Variants in TMEM204 observed in about 807,000 individuals in gnomAD.
TMEM204 encodes transmembrane protein 204.
A neutral mutation model predicts 19.4 loss-of-function variants in TMEM204; 15 were observed. That is an observed-to-expected ratio of 0.77 (90% confidence interval 0.52 to 1.19). The LOEUF is 1.19. Ranked by LOEUF, TMEM204 falls within the 50% of genes most tolerant of loss-of-function variation. The pLI, the probability that TMEM204 is intolerant of heterozygous loss-of-function variation, is 0.00. For missense variants in TMEM204, 287 were observed against 321.2 expected (o/e 0.89, Z 0.81); for synonymous variants, 161 against 146.0 (o/e 1.10, Z -0.74).
chr16:1,530,024 A>G (rs4786275), upstream of TMEM204, among the ~76,000 whole-genome samples: 27,308 of 152,040 alleles, frequency 0.18, 2,885 homozygotes, highest in African/African-American at 0.27. Context: ...GGGTGGTGGC[A>G]GCACTGGGGC....
Position 1,543,012 on chromosome 16 carries a change from G to A in TMEM204, c.436+936G>A, listed in dbSNP as rs1322583193. 2.0e-5 allele frequency among the ~76,000 whole-genome samples: 3 copies of A among 152,240 alleles called. No individual in the cohort carries two copies. In the East Asian group the frequency reaches 5.8e-4, roughly 29 times the overall value. ...AGCCATGACCCCCAGCGACCCCAGG[G>A]GGCTCTGCTGGTCTTCTGTGGCTGA... On this transcript the variant is annotated intron_variant, in intron 2 of 2. Coordinates refer to ENST00000566264, the MANE Select transcript of TMEM204 (RefSeq NM_024600.6).
intron 1 of TMEM204, chr16:1,541,585 G>T: frequency 1.2e-6 from 1 of 803,110 alleles, no homozygotes; most frequent in Non-Finnish European, 1.5e-6. Context: ...CCACCCCCAC[G>T]CCAGCGCCTT....
intron 2 of TMEM204, among the ~76,000 whole-genome samples, chr16:1,545,236 C>A (rs1375498857): frequency 6.6e-6 from 1 of 152,124 alleles, no homozygotes; most frequent in Non-Finnish European, 1.5e-5. Context: ...TCCAACACGA[C>A]CTCTGACAAG....
At position 1,534,523 on chromosome 16, in the gene TMEM204, CCGG is replaced by C. The variant is rs762562633; in HGVS notation, c.250_252del (p.Gly84del). On this transcript the variant is annotated inframe_deletion, in exon 1 of 3. Coordinates refer to ENST00000566264, the MANE Select transcript of TMEM204 (RefSeq NM_024600.6). ...GCGCTGGGCTGGGGCTCCGAGGCAG[CCGG>C]CTTCCAGGAGTCCCGAGGCACCGTC... 1 of 1,606,466 alleles carries C rather than the reference CCGG, an allele frequency of 6.2e-7. No homozygotes were observed. The highest frequency in any genetic ancestry group is 8.5e-7 in the Non-Finnish European group (1 of 1,179,860).
At chr16:1,542,924 G>A (rs1332592523) in intron 2 of TMEM204, among the ~76,000 whole-genome samples, 2 of 152,242 alleles carry the variant, frequency 1.3e-5, no homozygotes, top group Admixed American at 6.5e-5. Context: ...TGGAGTTGTC[G>A]TCAACGACCT....
At chr16:1,548,846 CG>C (rs1422757485) in intron 2 of TMEM204, among the ~76,000 whole-genome samples, 1 of 152,248 alleles carries the variant, frequency 6.6e-6, no homozygotes, top group Non-Finnish European at 1.5e-5. Context: ...AGCAGCACAG[CG>C]AGGCATGTAG....
intron 2 of TMEM204, among the ~76,000 whole-genome samples, chr16:1,552,449 C>T (rs1006967710): frequency 1.3e-5 from 2 of 152,128 alleles, no homozygotes; most frequent in Non-Finnish European, 2.9e-5. Flanking sequence ...CCACACCCCA[C>T]CGGCAGAAAG....
Position 1,555,008 on chromosome 16 carries a change from C to T in TMEM204, c.663C>T (p.Tyr221=), listed in dbSNP as rs199846445. The T allele has an allele frequency of 6.3e-4, 1,011 of 1,611,748 alleles. 11 individuals are homozygous for T. In the South Asian group the frequency reaches 0.01, roughly 16 times the overall value. The change falls in exon 3 of 3, where the codon TAC becomes TAT. Residue 221 remains tyrosine (Y), a synonymous_variant. Transcript: ENST00000566264. ...ARFRRGLDND[Y]VESPC is the part of the protein sequence containing the mutation. ...TTCGCCGTGGGCTGGACAATGACTACGTGGAGTCACCATGCTGAGTCGCCC... is the reference window on the plus strand; with the variant it reads ...TTCGCCGTGGGCTGGACAATGACTATGTGGAGTCACCATGCTGAGTCGCCC...
intron 2 of TMEM204, among the ~76,000 whole-genome samples, chr16:1,544,765 C>T (rs959532586): frequency 6.6e-6 from 1 of 152,022 alleles, no homozygotes; most frequent in African/African-American, 2.4e-5. Context: ...TCTCCTGCCT[C>T]AGCCTCCCGA....
intron 1 of TMEM204, among the ~76,000 whole-genome samples, chr16:1,538,273 C>T (rs1381654394): frequency 1.3e-5 from 2 of 152,172 alleles, no homozygotes; most frequent in African/African-American, 4.8e-5. Flanking sequence ...GCACAGAGCC[C>T]CTGCCATGGT....
chr16:1,534,642 G>T, intron 1 of TMEM204, 87 bp downstream of exon 1: 1 of 1,570,624 alleles, frequency 6.4e-7, no homozygotes, highest in South Asian at 1.1e-5. Flanking sequence ...TGGTGAGCGG[G>T]TGGGGAGGCC....
chr16:1,539,459 T>C (rs989496883), intron 1 of TMEM204, among the ~76,000 whole-genome samples: 8 of 152,338 alleles, frequency 5.3e-5, no homozygotes, highest in African/African-American at 1.7e-4. Context: ...CTCCAAGCAC[T>C]CTGGCCCCAC....
rs553792163 is a variant in TMEM204, at chr16:1,533,961, C to T, written c.-315C>T. On this transcript the variant is annotated 5_prime_UTR_variant, in exon 1 of 3. Transcript: ENST00000566264. The surrounding 1 kb of genome is among the most constrained non-coding windows in gnomAD (Gnocchi z 4.7). ...GAGAAGAGGCACGCGCGGCACAGGC[C>T]GGCCTCCGCTTCCCGGGAAGACGGC... is the stretch of plus-strand genomic sequence containing the variant. 1.9e-5 allele frequency: 8 copies of T among 423,664 alleles called. No individual in the cohort carries two copies. The highest frequency in any genetic ancestry group is 6.4e-5 in the African/African-American group (3 of 47,198). The allele number at this position is 423,664 out of a possible 1,614,324, so 26.2% of individuals were successfully genotyped here.
intron 1 of TMEM204, among the ~76,000 whole-genome samples, chr16:1,537,636 C>T (rs1237867263): frequency 6.6e-6 from 1 of 152,228 alleles, no homozygotes; most frequent in East Asian, 1.9e-4. Context: ...CTGAGGTCCA[C>T]CTCACATGCC....
chr16:1,554,653 C>T, intron 2 of TMEM204, 129 bp from the exon 3 acceptor site: 1 of 1,377,574 alleles, frequency 7.3e-7, no homozygotes, highest in Non-Finnish European at 9.9e-7. Context: ...CAGGCTGGAA[C>T]CCGCTCTAGG....
rs1390830763 is a variant in TMEM204, at chr16:1,551,466, G to A, written c.437-3316G>A. On this transcript the variant is annotated intron_variant, in intron 2 of 2. Transcript: ENST00000566264. The surrounding 1 kb of genome is among the most constrained non-coding windows in gnomAD (Gnocchi z 4.0). ...GCCCCAGGGTGGCAGAAGGGCGGCC[G>A]CAGGTAGCAGGGGAGACCCTAAGGC... Among the ~76,000 whole-genome samples, 3 of 152,176 alleles carry A rather than the reference G, an allele frequency of 2.0e-5. No homozygotes were observed. The highest frequency in any genetic ancestry group is 6.5e-5 in the Admixed American group (1 of 15,284).
At chr16:1,548,886 T>C (rs1030668041) in intron 2 of TMEM204, among the ~76,000 whole-genome samples, 7 of 152,210 alleles carry the variant, frequency 4.6e-5, no homozygotes, top group African/African-American at 1.7e-4. Context: ...TTCCGTGTAT[T>C]TGTTGGCTTT....
upstream of TMEM204, chr16:1,531,089 C>T (rs1015784464): frequency 6.0e-4 from 91 of 152,520 alleles, no homozygotes; most frequent in African/African-American, 1.9e-3. This position sits in a 1 kb window ranked among gnomAD's most constrained non-coding sequence, Gnocchi z 4.7. Context: ...ACATCCTCTC[C>T]GCGACGGCCG....
At position 1,534,301 on chromosome 16, in the gene TMEM204, C is replaced by T. The variant is rs551545490; in HGVS notation, c.26C>T (p.Ala9Val). 7.4e-6 allele frequency: 12 copies of T among 1,612,448 alleles called. No individual in the cohort carries two copies. Among genetic ancestry groups the T allele is most frequent in the African/African-American group, 4.0e-5 (3 of 75,058 alleles). Residue 9 changes from alanine to valine, a missense_variant, in exon 1 of 3, where the codon GCG (alanine) becomes GTG (valine). By Grantham distance (64) the Ala-to-Val change is moderately conservative. Coordinates refer to ENST00000566264, the MANE Select transcript of TMEM204 (RefSeq NM_024600.6). MTVQRLVA[A>V]AVLVALVSLI... The stretch of plus-strand genomic sequence containing the variant: ...ATGACCGTGCAGAGACTCGTGGCCG[C>T]GGCCGTGCTGGTGGCCCTGGTCTCA...
Sources: allele counts gnomAD v4.1 joint callset (sites outside exome capture counted in the v4.1 genomes callset), GRCh38; gene constraint gnomAD v4.1.1; non-coding constraint Gnocchi (gnomAD v3.1); transcripts MANE v1.5; gene names NCBI Gene and HGNC (gene_info 2026-07-23, HGNC 2026-07-21).